ARAP3: variants seen among roughly 807,000 people sequenced by gnomAD.
ARAP3 encodes ArfGAP with RhoGAP domain, ankyrin repeat and PH domain 3.
Under a neutral mutation model 169.2 loss-of-function variants are expected in ARAP3, and 82 were observed. That is an observed-to-expected ratio of 0.48 (90% CI 0.41 to 0.58). The LOEUF (loss-of-function observed/expected upper bound fraction) is 0.58, where lower values mean the gene tolerates loss of function less well. Ranked by LOEUF, ARAP3 falls within the 20% of genes least tolerant of loss-of-function variation. The probability of loss-of-function intolerance (pLI) is 0.00; values close to 1 mark genes in which losing one functional copy is unlikely to be tolerated. For missense variants in ARAP3, 1,764 were observed against 2,018.0 expected (o/e 0.87, Z 2.41); for synonymous variants, 791 against 800.3 (o/e 0.99, Z 0.20).
Position 141,675,592 on chromosome 5 carries a change from G to A in ARAP3, c.699-1784C>T, listed in dbSNP as rs192693938. Among the ~76,000 whole-genome samples, 1,094 of 151,898 alleles carry A rather than the reference G, an allele frequency of 7.2e-3. 11 individuals are homozygous for A. Among genetic ancestry groups the A allele is most frequent in the African/African-American group, 0.025 (1,032 of 41,374 alleles). ...AAAAAAATTAGCCAGGTGTGCTGGC[G>A]GGCGCCTGTAATTCCAGCTACTCGG... is the stretch of plus-strand genomic sequence containing the variant. On this transcript the variant is annotated intron_variant, in intron 4 of 32. Coordinates refer to ENST00000239440, the MANE Select transcript of ARAP3 (RefSeq NM_022481.6).
rs2099912698 is a variant in ARAP3 at position 141,679,642 on chromosome 5, G to C, written c.601C>G (p.Pro201Ala). Residue 201 changes from proline to alanine, a missense_variant, in exon 4 of 33, where the codon CCT becomes GCT. Around this residue, in one of 3 missense-constraint regions of ARAP3, gnomAD observed 630 missense variants for 678.7 expected, o/e 0.93. Coordinates refer to ENST00000239440, the MANE Select transcript of ARAP3 (RefSeq NM_022481.6). ...PTTGTVHIMD[P>A]GCLYYGVQPV... ...TGGACACCATAGTACAGGCAACCAG[G>C]ATCCATGATGTGCACTGGCAGGAGG... is the stretch of plus-strand genomic sequence containing the variant. 1 of 1,614,132 alleles carries C rather than the reference G, an allele frequency of 6.2e-7. No individual in the cohort carries two copies. Among genetic ancestry groups the C allele is most frequent in the Non-Finnish European group, 8.5e-7 (1 of 1,180,026 alleles).
Position 141,659,802 on chromosome 5 carries a change from C to T in ARAP3, c.3244G>A (p.Asp1082Asn). ...ACATCAAAGACAGAGATGTAGCCAT[C>T]AATGAGCTCTTGCAGCACTCGCACC... ...HEVRVLQELI[D>N]GYISVFDIDS... Residue 1082 changes from aspartate to asparagine, a missense_variant, in exon 22 of 33, where the codon GAT becomes AAT. This residue lies in a region of ARAP3 where 1,112 missense variants were observed against 1,285.7 expected (regional missense o/e 0.86). Transcript: ENST00000239440. 1 of 1,612,756 alleles carries T rather than the reference C, an allele frequency of 6.2e-7. No homozygotes were observed. The highest frequency in any genetic ancestry group is 8.5e-7 in the Non-Finnish European group (1 of 1,179,294).
chr5:141,680,574 C>A lies in ARAP3; in HGVS notation c.-17-71G>T, dbSNP rs1421056816. The A allele has an allele frequency of 2.7e-6, 4 of 1,467,062 alleles. 1 individual carries two copies. The allele number at this position is 1,467,062 out of a possible 1,614,324, so 90.9% of individuals were successfully genotyped here. A position where few individuals can be genotyped will look rare whatever the true frequency, so the allele number is the denominator to read the frequency against. ...CCCTCTCTGCCCCAGAGTCTGAGGC[C>A]TGGACAGTGAGCACCAGCCTCCAAT... On this transcript the variant is annotated intron_variant, in intron 1 of 32. Coordinates refer to ENST00000239440, the MANE Select transcript of ARAP3 (RefSeq NM_022481.6).
chr5:141,661,825 G>T lies in ARAP3; in HGVS notation c.3014-36C>A, dbSNP rs376691436. The T allele has an allele frequency of 4.4e-6, 7 of 1,605,972 alleles. No homozygotes were observed. In the South Asian group the frequency reaches 6.6e-5, roughly 15 times the overall value. On this transcript the variant is annotated intron_variant, in intron 20 of 32. Transcript: ENST00000239440. ...AATGGAGGAGGGTTGGGGAGGACCC[G>T]GGAAGAAAGAGTGGCAGCTGGTACA...
rs2099909325 is a variant in ARAP3 at position 141,656,814 on chromosome 5, C to G, written c.3559G>C (p.Glu1187Gln). The change falls in exon 26 of 33, where the codon GAG (glutamate) becomes CAG (glutamine). Residue 1187 changes from glutamate to glutamine, a missense_variant. Transcript: ENST00000239440. ...AGCTGGCACCATTGTAAAGCCTGCT[C>G]TAAGACCTTTTCCTTGGGATGCAGT... ...RPLHPKEKVL[E>Q]QALQWCQLPE... 6.2e-7 allele frequency: 1 copy of G among 1,613,226 alleles called. No individual in the cohort carries two copies. The highest frequency in any genetic ancestry group is 8.5e-7 in the Non-Finnish European group (1 of 1,179,668).
In ARAP3 at chr5:141,671,986, A is replaced by AGGGTGTGAGG; in HGVS notation, c.1586-16_1586-7dup. ...ACCCAGGGCCCGGTGCTGACCTGTG[A>AGGGTGTGAGG]GGGTGTGAGGGTGTGTGAGGGTGTG... On this transcript the variant is annotated splice_polypyrimidine_tract_variant and splice_region_variant and intron_variant, in intron 10 of 32. Coordinates refer to ENST00000239440, the MANE Select transcript of ARAP3 (RefSeq NM_022481.6). The surrounding 1 kb of genome is among the most constrained non-coding windows in gnomAD (Gnocchi z 4.9). 6.2e-7 allele frequency: 1 copy of AGGGTGTGAGG among 1,613,840 alleles called. No homozygotes were observed. Among genetic ancestry groups the AGGGTGTGAGG allele is most frequent in the Middle Eastern group, 1.6e-4 (1 of 6,062 alleles).
Position 141,671,997 on chromosome 5 carries a change from G to A in ARAP3, c.1586-17C>T, listed in dbSNP as rs769103514. Reference sequence around the variant, plus strand: ...GGTGCTGACCTGTGAGGGTGTGAGGGTGTGTGAGGGTGTGTGAGGGTGTGA... The same window carrying A: ...GGTGCTGACCTGTGAGGGTGTGAGGATGTGTGAGGGTGTGTGAGGGTGTGA... On this transcript the variant is annotated splice_polypyrimidine_tract_variant and intron_variant, in intron 10 of 32. Transcript: ENST00000239440. The surrounding 1 kb of genome is among the most constrained non-coding windows in gnomAD (Gnocchi z 4.9). 1 of 1,585,680 alleles carries A rather than the reference G, an allele frequency of 6.3e-7. No homozygotes were observed. The highest frequency in any genetic ancestry group is 1.1e-5 in the South Asian group (1 of 90,890).
In ARAP3 at chr5:141,662,254, C is replaced by A; in HGVS notation, c.2802G>T (p.Gly934=). 1 of 1,613,910 alleles carries A rather than the reference C, an allele frequency of 6.2e-7. No individual in the cohort carries two copies. The highest frequency in any genetic ancestry group is 8.5e-7 in the Non-Finnish European group (1 of 1,179,940). ...DACISFVTQH[G]LRLEGVYRKG... ...TCCGGTATACACCTTCCAGCCGGAG[C>A]CCTGAGGAGAGCCAGCCGTCTCTGC... Residue 934 remains glycine, a splice_region_variant and synonymous_variant, in exon 20 of 33, where the codon GGG becomes GGT. Coordinates refer to ENST00000239440, the MANE Select transcript of ARAP3 (RefSeq NM_022481.6).
chr5:141,655,753 A>T lies in ARAP3; in HGVS notation c.3978T>A (p.Asp1326Glu). The stretch of plus-strand genomic sequence containing the variant: ...GTCGTAAGACCACTGGCTGCTGGTC[A>T]TCGTGCTGGTGGGAGCGTGAGGGGT... ...WTTSILKAQHDDQQPVVLRRH... is the reference protein window; with the variant it reads ...WTTSILKAQHEDQQPVVLRRH... The change falls in exon 31 of 33, where the codon GAT becomes GAA. Residue 1326 changes from aspartate to glutamate, a missense_variant. Around this residue, in one of 3 missense-constraint regions of ARAP3, gnomAD observed 1,112 missense variants for 1,285.7 expected, o/e 0.86. Transcript: ENST00000239440. 1 of 1,614,206 alleles carries T rather than the reference A, an allele frequency of 6.2e-7. No homozygotes were observed. Among genetic ancestry groups the T allele is most frequent in the South Asian group, 1.1e-5 (1 of 91,086 alleles).
In ARAP3 at chr5:141,672,555, A is replaced by G; in HGVS notation, c.1382T>C (p.Phe461Ser). ...CTCCCACTGGCCCAGGCCCCACCTGAAGCAGCGATGGGGTGTGAGCAGGTC... is the reference window on the plus strand; with the variant it reads ...CTCCCACTGGCCCAGGCCCCACCTGGAGCAGCGATGGGGTGTGAGCAGGTC... ...SFDLLTPHRCFSFTAESGGAR... is the reference protein window; with the variant it reads ...SFDLLTPHRCSSFTAESGGAR... Residue 461 changes from phenylalanine (F) to serine (S), a missense_variant, in exon 9 of 33, where the codon TTC becomes TCC. By Grantham distance (155) the Phe-to-Ser change is radical. Transcript: ENST00000239440. This position sits in a 1 kb window ranked among gnomAD's most constrained non-coding sequence, Gnocchi z 4.9. The G allele has an allele frequency of 6.2e-7, 1 of 1,614,048 alleles. No individual in the cohort carries two copies. The highest frequency in any genetic ancestry group is 8.5e-7 in the Non-Finnish European group (1 of 1,179,968).
At chr5:141,674,696 G>A (rs2099911914) in intron 4 of ARAP3, among the ~76,000 whole-genome samples, 1 of 152,158 alleles carries the variant, frequency 6.6e-6, no homozygotes, top group Admixed American at 6.5e-5. Flanking sequence ...GACTTGGATG[G>A]AAAAGACGGG....
intron 16 of ARAP3, among the ~76,000 whole-genome samples, chr5:141,668,647 G>A (rs549442117): frequency 1.3e-5 from 2 of 152,316 alleles, no homozygotes; most frequent in Admixed American, 1.3e-4. Context: ...GGCCACGACA[G>A]AGCCCTGAAA....
intron 6 of ARAP3, 111 bp downstream of exon 6, chr5:141,673,290 C>T: frequency 6.4e-7 from 1 of 1,554,170 alleles, no homozygotes; most frequent in Non-Finnish European, 8.8e-7. Flanking sequence ...ATCAGTCATG[C>T]AGTCACTGCC....
At position 141,666,472 on chromosome 5, in the gene ARAP3, G is replaced by A. The variant is rs369718019; in HGVS notation, c.2524C>T (p.Pro842Ser). 4 of 1,596,968 alleles carry A rather than the reference G, an allele frequency of 2.5e-6. No individual in the cohort carries two copies. The highest frequency in any genetic ancestry group is 1.7e-5 in the Admixed American group (1 of 57,572). Reference sequence around the variant, plus strand: ...TGCACCATGTCCTCAGGGGCTGGGGGGCCTGGGCCCGGCGCTGAGCACAGG... The same window carrying A: ...TGCACCATGTCCTCAGGGGCTGGGGAGCCTGGGCCCGGCGCTGAGCACAGG... ...LFLCSAPGPG[P>S]PAPEDMVHLR... The change falls in exon 17 of 33, where the codon CCC becomes TCC. Residue 842 changes from proline to serine, a missense_variant. By Grantham distance (74) the Pro-to-Ser change is moderately conservative (BLOSUM62 -1). Coordinates refer to ENST00000239440, the MANE Select transcript of ARAP3 (RefSeq NM_022481.6).
chr5:141,665,127 C>A, intron 18 of ARAP3, 42 bp from the exon 19 acceptor site: 1 of 1,585,926 alleles, frequency 6.3e-7, no homozygotes, highest in Non-Finnish European at 8.6e-7. Flanking sequence ...CTCCGACAGG[C>A]CCAGATGCAT....
chr5:141,659,971 A>G (rs1293960669), intron 21 of ARAP3, 45 bp from the exon 22 acceptor site: 1 of 1,524,098 alleles, frequency 6.6e-7, no homozygotes, highest in Admixed American at 2.0e-5. Flanking sequence ...CCACTCATTC[A>G]GCAAACACTT....
At position 141,671,479 on chromosome 5, in the gene ARAP3, C is replaced by A; in HGVS notation, c.1855-79G>T. ...GGGACAGTCGTATCATCACTAAAAACAGTCCCCACCACCCAAGTCTAGGCA... is the reference window on the plus strand; with the variant it reads ...GGGACAGTCGTATCATCACTAAAAAAAGTCCCCACCACCCAAGTCTAGGCA... On this transcript the variant is annotated intron_variant, in intron 12 of 32. Transcript: ENST00000239440. This position sits in a 1 kb window ranked among gnomAD's most constrained non-coding sequence, Gnocchi z 4.9. The A allele has an allele frequency of 1.2e-6, 2 of 1,600,982 alleles. No individual in the cohort carries two copies. Among genetic ancestry groups the A allele is most frequent in the Non-Finnish European group, 1.7e-6 (2 of 1,174,028 alleles).
chr5:141,664,452 C>A (rs952213646), intron 19 of ARAP3, among the ~76,000 whole-genome samples: 1 of 152,240 alleles, frequency 6.6e-6, no homozygotes, highest in Non-Finnish European at 1.5e-5. Context: ...GCACAGCTGA[C>A]CATTTAAGCC....
At chr5:141,665,502 T>C (rs2099910512) in intron 17 of ARAP3, 128 bp from the exon 18 acceptor site, 1 of 931,660 alleles carries the variant, frequency 1.1e-6, no homozygotes, top group East Asian at 2.5e-5. Context: ...TTGAATCCTA[T>C]GAGTTATGTA....
Sources: allele counts gnomAD v4.1 joint callset (sites outside exome capture counted in the v4.1 genomes callset), GRCh38; gene constraint gnomAD v4.1.1; regional missense constraint gnomAD v4.1.1; non-coding constraint Gnocchi (gnomAD v3.1); transcripts MANE v1.5; gene names NCBI Gene and HGNC (gene_info 2026-07-23, HGNC 2026-07-21).